Variants in PLCXD3 observed in about 807,000 individuals in gnomAD.
The protein encoded by PLCXD3 is phosphatidylinositol specific phospholipase C X domain containing 3.
PLCXD3 carries 19 observed loss-of-function variants against 25.5 expected under a neutral mutation model. That is an observed-to-expected ratio of 0.75 (90% CI 0.52 to 1.09). The LOEUF (loss-of-function observed/expected upper bound fraction) is 1.09, where lower values mean the gene tolerates loss of function less well. PLCXD3 is among the 50% of genes least tolerant of loss of function. The probability of loss-of-function intolerance (pLI) is 0.00; values close to 1 mark genes in which losing one functional copy is unlikely to be tolerated. For synonymous variants in PLCXD3, 174 were observed against 137.6 expected (o/e 1.26, Z -1.85); for missense variants, 411 against 388.1 (o/e 1.06, Z -0.50).
chr5:41,359,393 G>T (rs1354053683), intron 2 of PLCXD3, among the ~76,000 whole-genome samples: 1 of 152,008 alleles, frequency 6.6e-6, no homozygotes, highest in East Asian at 1.9e-4. Flanking sequence ...CAACCTTGCT[G>T]TTTGTTATTG....
intron 1 of PLCXD3, among the ~76,000 whole-genome samples, chr5:41,473,355 C>A (rs1284699707): frequency 6.6e-6 from 1 of 151,998 alleles, no homozygotes; most frequent in Non-Finnish European, 1.5e-5. Context: ...ACATGTATAT[C>A]CTTTCTTGGT....
chr5:41,361,455 G>A (rs79541612), intron 2 of PLCXD3, among the ~76,000 whole-genome samples: 276 of 152,330 alleles, frequency 1.8e-3, no homozygotes, highest in African/African-American at 6.3e-3. Context: ...CCCTGCAGTA[G>A]TTCTTGAAGC....
At chr5:41,370,421 A>G (rs1226664215) in intron 2 of PLCXD3, among the ~76,000 whole-genome samples, 1 of 152,180 alleles carries the variant, frequency 6.6e-6, no homozygotes, top group Non-Finnish European at 1.5e-5. Flanking sequence ...TTACACTGAA[A>G]ATATTATAGA....
At chr5:41,350,663 CA>C (rs1222501076) in intron 2 of PLCXD3, among the ~76,000 whole-genome samples, 1 of 151,966 alleles carries the variant, frequency 6.6e-6, no homozygotes, top group Non-Finnish European at 1.5e-5. Context: ...AATTCTTTCC[CA>C]AGACAAGGTC....
chr5:41,318,097 T>C (rs946035794), intron 2 of PLCXD3, among the ~76,000 whole-genome samples: 4 of 151,970 alleles, frequency 2.6e-5, no homozygotes, highest in African/African-American at 9.7e-5. Context: ...GGCAAAAATA[T>C]CCTTCAAACA....
rs78640048 is a variant in PLCXD3, at chr5:41,383,527, T to C, written c.104-993A>G. 3.7e-4 allele frequency among the ~76,000 whole-genome samples: 56 copies of C among 152,260 alleles called. No individual in the cohort carries two copies. The East Asian group carries it at 7.2e-3, about 19-fold the overall frequency. ...TATTTCTTAAAGCCTCCTTTTATTC[T>C]TAGGCATAACCCACTGAAGAGCTAA... On this transcript the variant is annotated intron_variant, in intron 1 of 2. Transcript: ENST00000377801.
chr5:41,350,050 T>C (rs1390735819), intron 2 of PLCXD3, among the ~76,000 whole-genome samples: 1 of 152,094 alleles, frequency 6.6e-6, no homozygotes, highest in Non-Finnish European at 1.5e-5. Flanking sequence ...ATGGGTGAAG[T>C]TGATAAAGAC....
rs1743082574 is a variant in PLCXD3, at chr5:41,309,833, T to G, written c.*3784A>C. 6.6e-6 allele frequency: 1 copy of G among 152,190 alleles called. No homozygotes were observed. The allele number at this position is 152,190 out of a possible 1,614,324, so 9.4% of individuals were successfully genotyped here. ...TTTTCTATTTCTGATGGCCTCACTT[T>G]TCATTGGTTTTCTAGTTACTTTTCT... On this transcript the variant is annotated 3_prime_UTR_variant, in exon 3 of 3. Transcript: ENST00000377801.
chr5:41,463,983 C>T (rs956362942), intron 1 of PLCXD3, among the ~76,000 whole-genome samples: 1 of 152,028 alleles, frequency 6.6e-6, no homozygotes, highest in African/African-American at 2.4e-5. Flanking sequence ...AATTATGCTA[C>T]AGGCATTACT....
chr5:41,487,502 C>T (rs1474484600), intron 1 of PLCXD3, among the ~76,000 whole-genome samples: 1 of 152,046 alleles, frequency 6.6e-6, no homozygotes, highest in Non-Finnish European at 1.5e-5. Flanking sequence ...AGACAAGGTC[C>T]TGAATTTGAA....
intron 1 of PLCXD3, among the ~76,000 whole-genome samples, chr5:41,458,393 G>A (rs1414966443): frequency 6.6e-6 from 1 of 151,972 alleles, no homozygotes; most frequent in East Asian, 1.9e-4. Context: ...AATTCTGAGA[G>A]ATAGAAGGGA....
intron 1 of PLCXD3, among the ~76,000 whole-genome samples, chr5:41,403,409 T>TTTTTGTTTTGTTTTTG (rs1746257501): frequency 2.5e-5 from 1 of 39,670 alleles, no homozygotes; most frequent in African/African-American, 8.8e-5. Context: ...TTGTTTTTTT[T>TTTTTGTTTTGTTTTTG]TTTTTTTATT....
intron 1 of PLCXD3, among the ~76,000 whole-genome samples, chr5:41,445,137 G>A (rs1747465366): frequency 6.6e-6 from 1 of 152,142 alleles, no homozygotes; most frequent in East Asian, 1.9e-4. Flanking sequence ...ATATTATAGT[G>A]CTGAGCACAG....
intron 2 of PLCXD3, among the ~76,000 whole-genome samples, chr5:41,328,639 G>C (rs1743701271): frequency 6.6e-6 from 1 of 152,090 alleles, no homozygotes; most frequent in Non-Finnish European, 1.5e-5. Flanking sequence ...CTGTGGAAAG[G>C]CATCTTCAAA....
At chr5:41,479,555 T>C (rs1401719294) in intron 1 of PLCXD3, among the ~76,000 whole-genome samples, 1 of 152,156 alleles carries the variant, frequency 6.6e-6, no homozygotes, top group Non-Finnish European at 1.5e-5. Flanking sequence ...CTTAAAAACA[T>C]AGATGTATAG....
intron 1 of PLCXD3, among the ~76,000 whole-genome samples, chr5:41,413,595 A>T (rs116497770): frequency 0.016 from 2,362 of 152,230 alleles, 58 homozygotes; most frequent in African/African-American, 0.055. Flanking sequence ...CTTTTCCATT[A>T]TTTGTTTCTA....
rs80250080 is a variant in PLCXD3 at position 41,435,441 on chromosome 5, G to T, written c.104-52907C>A. Among the ~76,000 whole-genome samples, 476 of 152,294 alleles carry T rather than the reference G, an allele frequency of 3.1e-3. 7 individuals are homozygous for T. Among genetic ancestry groups the T allele is most frequent in the African/African-American group, 0.011 (455 of 41,560 alleles). On this transcript the variant is annotated intron_variant, in intron 1 of 2. Coordinates refer to ENST00000377801, the MANE Select transcript of PLCXD3 (RefSeq NM_001005473.3). ...TCTGGCTGCATTGTGTGATAGCTGA[G>T]GTTCACGGAGCACCACCCACATGGA...
At chr5:41,440,770 A>C (rs921896804) in intron 1 of PLCXD3, among the ~76,000 whole-genome samples, 2 of 151,748 alleles carry the variant, frequency 1.3e-5, no homozygotes, top group African/African-American at 2.4e-5. Flanking sequence ...TAACCGTGTT[A>C]TTTCTTTCTC....
At chr5:41,403,406 T>TTTTTTTTTTTTTG (rs1746253748) in intron 1 of PLCXD3, among the ~76,000 whole-genome samples, 2 of 30,722 alleles carry the variant, frequency 6.5e-5, no homozygotes, top group South Asian at 6.8e-4. Flanking sequence ...TTGTTGTTTT[T>TTTTTTTTTTTTTG]TTTTTTTTTT....
Sources: gnomAD v4.1 joint callset for allele counts (sites outside exome capture counted in the v4.1 genomes callset) on GRCh38, gnomAD v4.1.1 for gene constraint, MANE v1.5 for transcripts, NCBI Gene and HGNC (gene_info 2026-07-23, HGNC 2026-07-21) for gene names.